The following RAI1 variants were observed in gnomAD, a reference collection of about 807,000 sequenced individuals.
The protein encoded by RAI1 is retinoic acid-induced protein 1.
A neutral mutation model predicts 123.8 loss-of-function variants in RAI1; 9 were observed. The observed-to-expected ratio is 0.07, with a 90% CI of 0.04 to 0.13. The LOEUF (loss-of-function observed/expected upper bound fraction) is 0.13. RAI1 is among the 10% of genes least tolerant of loss of function. The pLI is 1.00. For synonymous variants in RAI1, 1,231 were observed against 1,127.3 expected, an observed-to-expected ratio of 1.09 and a Z score of -1.84; for missense variants, 2,256 against 2,545.8, an observed-to-expected ratio of 0.89 and a Z score of 2.45.
intron 2 of RAI1, among the ~76,000 whole-genome samples, chr17:17,747,117 G>A (rs1408543374): frequency 2.6e-5 from 4 of 152,106 alleles, no homozygotes; most frequent in African/African-American, 9.7e-5. Flanking sequence ...GAGAACCAGC[G>A]GGGCCTCAAG....
chr17:17,810,843 G>A lies in RAI1; in HGVS notation c.*862G>A. 2.2e-6 allele frequency: 1 copy of A among 452,488 alleles called. No individual in the cohort carries two copies. Among genetic ancestry groups the A allele is most frequent in the Non-Finnish European group, 4.5e-6 (1 of 223,786 alleles). 28.0% of individuals were successfully genotyped at this position (452,488 alleles called of 1,614,324 possible). A position where few individuals can be genotyped will look rare whatever the true frequency, so the allele number is the denominator to read the frequency against. On this transcript the variant is annotated 3_prime_UTR_variant, in exon 6 of 6. Coordinates refer to ENST00000353383, the MANE Select transcript of RAI1 (RefSeq NM_030665.4). The surrounding 1 kb of genome is among the most constrained non-coding windows in gnomAD (Gnocchi z 4.6). ...CGACCGTTGTGCACCACCAGGGACC[G>A]CCGCGCCTACTCTGCACGGGAGCAG...
chr17:17,796,502 C>T lies in RAI1; in HGVS notation c.3554C>T (p.Ala1185Val). The change falls in exon 3 of 6, where the codon GCC (alanine) becomes GTC (valine). Residue 1185 changes from alanine to valine, a missense_variant. By Grantham distance (64) the Ala-to-Val change is moderately conservative. Around this residue, in one of 7 missense-constraint regions of RAI1, gnomAD observed 322 missense variants for 358.0 expected, o/e 0.90. Transcript: ENST00000353383. The surrounding 1 kb of genome is among the most constrained non-coding windows in gnomAD (Gnocchi z 5.8). ...CTCCTCGACAACAGCCACTTGCCCG[C>T]CACATTCAAGGTCTCCAGCAGCCCC... ...KKLLDNSHLP[A>V]TFKVSSSPQK... 6.2e-7 allele frequency: 1 copy of T among 1,611,278 alleles called. No individual in the cohort carries two copies. Among genetic ancestry groups the T allele is most frequent in the Non-Finnish European group, 8.5e-7 (1 of 1,179,742 alleles).
At chr17:17,764,879 C>T (rs951929182) in intron 2 of RAI1, among the ~76,000 whole-genome samples, 3 of 152,364 alleles carry the variant, frequency 2.0e-5, no homozygotes, top group South Asian at 2.1e-4. Context: ...CATGAGCCAC[C>T]GCGCCTGGCC....
chr17:17,743,702 C>T (rs1916716164), intron 2 of RAI1, among the ~76,000 whole-genome samples: 1 of 152,262 alleles, frequency 6.6e-6, no homozygotes, highest in Non-Finnish European at 1.5e-5. Flanking sequence ...CAGGATTTGG[C>T]TGGTTGGGCA....
intron 2 of RAI1, among the ~76,000 whole-genome samples, chr17:17,792,128 C>T (rs1479174284): frequency 3.9e-5 from 6 of 152,260 alleles, no homozygotes; most frequent in African/African-American, 7.2e-5. Context: ...CTCTGGGCCA[C>T]GTAATCTGTT....
At position 17,793,672 on chromosome 17, in the gene RAI1, C is replaced by T. The variant is rs566787943; in HGVS notation, c.724C>T (p.Pro242Ser). The change falls in exon 3 of 6, where the codon CCG becomes TCG. Residue 242 changes from proline to serine, a missense_variant. This residue lies in a region of RAI1 where 336 missense variants were observed against 349.8 expected (regional missense o/e 0.96). Coordinates refer to ENST00000353383, the MANE Select transcript of RAI1 (RefSeq NM_030665.4). ...CCACTCCTATAAGAGTTGCACAGCA[C>T]CGACTGCCCAGCCCCATGACAGGCC... Reference protein sequence around the residue: ...GAHSYKSCTAPTAQPHDRPLT... With the variant: ...GAHSYKSCTASTAQPHDRPLT... 2.2e-5 allele frequency: 36 copies of T among 1,613,186 alleles called. 1 individual carries two copies. Among genetic ancestry groups the T allele is most frequent in the Middle Eastern group, 3.3e-4 (2 of 6,062 alleles).
chr17:17,715,809 T>TG (rs1399167073), intron 1 of RAI1, among the ~76,000 whole-genome samples: 4 of 152,192 alleles, frequency 2.6e-5, no homozygotes, highest in African/African-American at 9.7e-5. Flanking sequence ...CTCGCCCCTT[T>TG]GCGGGTGTGA....
chr17:17,751,779 AC>A (rs1196430981), intron 2 of RAI1, among the ~76,000 whole-genome samples: 1 of 151,970 alleles, frequency 6.6e-6, no homozygotes, highest in Non-Finnish European at 1.5e-5. Context: ...GGCCTGCCAG[AC>A]CACCTTATTT....
intron 1 of RAI1, among the ~76,000 whole-genome samples, chr17:17,713,753 T>A (rs1915633718): frequency 6.6e-6 from 1 of 152,238 alleles, no homozygotes; most frequent in Non-Finnish European, 1.5e-5. Context: ...TACTTTTCAA[T>A]TTTTAAAACT....
intron 4 of RAI1, among the ~76,000 whole-genome samples, chr17:17,808,400 TTTTA>T (rs2032638511): frequency 9.8e-6 from 1 of 102,166 alleles, no homozygotes; most frequent in African/African-American, 4.7e-5. Flanking sequence ...TTTTATTTTA[TTTTA>T]TTTTATTTTA....
At chr17:17,708,016 G>C (rs1407698418) in intron 1 of RAI1, among the ~76,000 whole-genome samples, 2 of 152,130 alleles carry the variant, frequency 1.3e-5, no homozygotes, top group African/African-American at 4.8e-5. Context: ...GGAGTAGAAG[G>C]CTCCTGGAGG....
At position 17,794,155 on chromosome 17, in the gene RAI1, G is replaced by A. The variant is rs766462802; in HGVS notation, c.1207G>A (p.Ala403Thr). 5 of 1,613,810 alleles carry A rather than the reference G, an allele frequency of 3.1e-6. No individual in the cohort carries two copies. Among genetic ancestry groups the A allele is most frequent in the African/African-American group, 1.3e-5 (1 of 74,930 alleles). Residue 403 changes from alanine to threonine, a missense_variant, in exon 3 of 6, where the codon GCC becomes ACC. By Grantham distance (58) the Ala-to-Thr change is moderately conservative (BLOSUM62 0). This residue lies in a region of RAI1 where 357 missense variants were observed against 480.2 expected (regional missense o/e 0.74). Transcript: ENST00000353383. The part of the protein sequence containing the change: ...MPLLNPSPTD[A>T]TSSVDTQAGN... ...CCTGCTCAATCCCTCCCCAACGGATGCCACCAGCTCTGTGGACACCCAGGC... is the reference window on the plus strand; with the variant it reads ...CCTGCTCAATCCCTCCCCAACGGATACCACCAGCTCTGTGGACACCCAGGC...
intron 2 of RAI1, among the ~76,000 whole-genome samples, chr17:17,763,599 G>A (rs2142992970): frequency 6.6e-6 from 1 of 152,312 alleles, no homozygotes; most frequent in East Asian, 1.9e-4. Context: ...AAGTGTGCTG[G>A]GCACAGGTAC....
At chr17:17,803,676 G>A in intron 3 of RAI1, 80 bp from the exon 4 acceptor site, 1 of 1,350,534 alleles carries the variant, frequency 7.4e-7, no homozygotes, top group Admixed American at 1.7e-5. Context: ...ATGAGCCACT[G>A]CACCTGGCCT....
intron 2 of RAI1, among the ~76,000 whole-genome samples, chr17:17,732,604 C>G (rs1916306969): frequency 6.6e-6 from 1 of 152,174 alleles, no homozygotes; most frequent in Non-Finnish European, 1.5e-5. Flanking sequence ...TGAGCCTGTT[C>G]TCATGCCAGG....
chr17:17,751,506 T>C (rs2030168814), intron 2 of RAI1, among the ~76,000 whole-genome samples: 1 of 152,002 alleles, frequency 6.6e-6, no homozygotes, highest in Non-Finnish European at 1.5e-5. Flanking sequence ...AAGGAAAGGG[T>C]AGCAAAAAAA....
At chr17:17,808,895 C>G (rs1438646563) in intron 4 of RAI1, among the ~76,000 whole-genome samples, 1 of 152,192 alleles carries the variant, frequency 6.6e-6, no homozygotes, top group African/African-American at 2.4e-5. Flanking sequence ...AGTCCGTCCA[C>G]AGGGGTTCAT....
intron 2 of RAI1, among the ~76,000 whole-genome samples, chr17:17,767,235 G>T (rs2030973223): frequency 6.6e-6 from 1 of 152,182 alleles, no homozygotes; most frequent in Non-Finnish European, 1.5e-5. Context: ...GGGAAGAGAG[G>T]CCTAGGCCAC....
chr17:17,683,112 G>A (rs1395800924), intron 1 of RAI1, among the ~76,000 whole-genome samples: 4 of 152,258 alleles, frequency 2.6e-5, no homozygotes, highest in Admixed American at 2.6e-4. Context: ...AGTGTGTTGA[G>A]AATTCAAGGG....
Sources: allele counts gnomAD v4.1 joint callset (sites outside exome capture counted in the v4.1 genomes callset), GRCh38; gene constraint gnomAD v4.1.1; regional missense constraint gnomAD v4.1.1; non-coding constraint Gnocchi (gnomAD v3.1); transcripts MANE v1.5; gene names NCBI Gene and HGNC (gene_info 2026-07-23, HGNC 2026-07-21).